The following RYR3 variants were observed in gnomAD, a reference collection of about 807,000 sequenced individuals.
The protein encoded by RYR3 is brain ryanodine receptor-calcium release channel.
RYR3 carries 207 observed loss-of-function variants against 584.3 expected under a neutral mutation model. That is an observed-to-expected ratio of 0.35 (90% confidence interval 0.32 to 0.40). The LOEUF (loss-of-function observed/expected upper bound fraction) is 0.40. Among genes scored for constraint, RYR3 ranks in the 10% least tolerant of loss-of-function variants. The pLI is 1.00. For synonymous variants in RYR3, 2,416 were observed against 2,248.5 expected (o/e 1.07, Z -2.11); for missense variants, 5,616 against 6,089.2 (o/e 0.92, Z 2.59).
At chr15:33,853,479 C>G (rs1323368848) in intron 95 of RYR3, 76 bp from the exon 96 acceptor site, 8 of 1,540,140 alleles carry the variant, frequency 5.2e-6, no homozygotes, top group Non-Finnish European at 7.0e-6. Context: ...GGCAGCAAAG[C>G]TCTGAAGACC....
intron 1 of RYR3, among the ~76,000 whole-genome samples, chr15:33,318,972 A>T (rs1028993253): frequency 6.6e-6 from 1 of 152,214 alleles, no homozygotes; most frequent in African/African-American, 2.4e-5. Flanking sequence ...AGCAATTCCT[A>T]TAGCAAAAAA....
chr15:33,401,081 G>A (rs2042632094), intron 1 of RYR3, among the ~76,000 whole-genome samples: 1 of 152,102 alleles, frequency 6.6e-6, no homozygotes, highest in South Asian at 2.1e-4. Flanking sequence ...AAATATGAGC[G>A]AATGCCCTTC....
At chr15:33,411,394 C>T (rs899644079) in intron 1 of RYR3, among the ~76,000 whole-genome samples, 1 of 152,170 alleles carries the variant, frequency 6.6e-6, no homozygotes, top group African/African-American at 2.4e-5. Flanking sequence ...ACATCTGTCA[C>T]TGCAAATATT....
intron 2 of RYR3, among the ~76,000 whole-genome samples, chr15:33,480,721 C>T (rs1188426121): frequency 6.6e-6 from 1 of 152,112 alleles, no homozygotes; most frequent in Non-Finnish European, 1.5e-5. Flanking sequence ...TTCTGTGTAT[C>T]ACTCCAATCT....
chr15:33,706,122 C>T (rs1268298766), intron 42 of RYR3, among the ~76,000 whole-genome samples: 1 of 151,980 alleles, frequency 6.6e-6, no homozygotes, highest in Non-Finnish European at 1.5e-5. Context: ...ATTTCACAGG[C>T]CTCACAGCTA....
chr15:33,366,279 G>A (rs556138754), intron 1 of RYR3, among the ~76,000 whole-genome samples: 19 of 151,976 alleles, frequency 1.3e-4, no homozygotes, highest in Non-Finnish European at 1.5e-4. Flanking sequence ...CTGGTCCTGC[G>A]TCATTTATTC....
At chr15:33,789,578 C>T (rs1324402707) in intron 67 of RYR3, among the ~76,000 whole-genome samples, 3 of 119,096 alleles carry the variant, frequency 2.5e-5, no homozygotes, top group South Asian at 5.9e-4. Context: ...TACTAAACAT[C>T]GCTGATTGCA....
At chr15:33,393,880 A>G (rs1320113553) in intron 1 of RYR3, among the ~76,000 whole-genome samples, 1 of 152,198 alleles carries the variant, frequency 6.6e-6, no homozygotes, top group Non-Finnish European at 1.5e-5. Context: ...TGCCAGATAC[A>G]ATGCGAGGCA....
chr15:33,731,668 A>C lies in RYR3; in HGVS notation c.7398A>C (p.Ile2466=). The change falls in exon 48 of 104, where the codon ATA becomes ATC. Residue 2466 remains isoleucine, a synonymous_variant. Coordinates refer to ENST00000634891, the MANE Select transcript of RYR3 (RefSeq NM_001036.6). The part of the protein sequence containing the change: ...RSLTKAQRDT[I]EECLLAICNH... ...TCACCAAAGCACAAAGGGACACTATAGAAGAATGTTTGCTTGCCATTTGCA... is the reference window on the plus strand; with the variant it reads ...TCACCAAAGCACAAAGGGACACTATCGAAGAATGTTTGCTTGCCATTTGCA... 6.2e-7 allele frequency: 1 copy of C among 1,612,722 alleles called. No homozygotes were observed. Among genetic ancestry groups the C allele is most frequent in the Non-Finnish European group, 8.5e-7 (1 of 1,178,830 alleles).
intron 24 of RYR3, among the ~76,000 whole-genome samples, chr15:33,633,763 A>G (rs1010227264): frequency 2.0e-5 from 3 of 152,122 alleles, no homozygotes; most frequent in South Asian, 2.1e-4. Context: ...AATTGTCCCT[A>G]TTGTCTTCTT....
At chr15:33,520,951 G>A (rs1012832535) in intron 3 of RYR3, among the ~76,000 whole-genome samples, 7 of 152,172 alleles carry the variant, frequency 4.6e-5, no homozygotes, top group Non-Finnish European at 8.8e-5. Flanking sequence ...TATGGATTGG[G>A]ACAAAAGGGG....
At chr15:33,745,174 A>G (rs12232247) in intron 52 of RYR3, among the ~76,000 whole-genome samples, 34,158 of 152,060 alleles carry the variant, frequency 0.22, 4,876 homozygotes, top group African/African-American at 0.41. Flanking sequence ...GAAAGTGAGC[A>G]TAAGCTGGGG....
chr15:33,644,649 C>A (rs895036004), intron 28 of RYR3, 130 bp downstream of exon 28: 1 of 664,496 alleles, frequency 1.5e-6, no homozygotes, highest in Admixed American at 2.6e-5. Context: ...GCCACCTCCC[C>A]TCTGGCCCTC....
At chr15:33,785,239 G>A (rs1240086869) in intron 65 of RYR3, among the ~76,000 whole-genome samples, 1 of 152,154 alleles carries the variant, frequency 6.6e-6, no homozygotes, top group Non-Finnish European at 1.5e-5. Context: ...TCCAGGCAAT[G>A]GCACCACAGC....
chr15:33,536,639 T>C (rs1262982195), intron 5 of RYR3, among the ~76,000 whole-genome samples: 1 of 43,572 alleles, frequency 2.3e-5, no homozygotes, highest in Non-Finnish European at 4.4e-5. Flanking sequence ...TTCGGTGGTC[T>C]CAGAGAACAT....
intron 81 of RYR3, among the ~76,000 whole-genome samples, chr15:33,825,263 TTCC>T: frequency 1.2e-5 from 1 of 80,550 alleles, no homozygotes; most frequent in East Asian, 3.5e-4. Flanking sequence ...AAACAGATTA[TTCC>T]TTCTTTATTT....
intron 81 of RYR3, among the ~76,000 whole-genome samples, chr15:33,824,608 T>C (rs1208628503): frequency 6.6e-6 from 1 of 152,212 alleles, no homozygotes; most frequent in African/African-American, 2.4e-5. Flanking sequence ...GAGATTTCAC[T>C]GTCTACCTAA....
At chr15:33,762,884 T>A (rs1353283163) in intron 60 of RYR3, among the ~76,000 whole-genome samples, 3 of 152,170 alleles carry the variant, frequency 2.0e-5, no homozygotes, top group Non-Finnish European at 4.4e-5. Context: ...AAGGCTACAG[T>A]AACCAAAACA....
At chr15:33,819,102 G>A (rs1174033672) in intron 76 of RYR3, among the ~76,000 whole-genome samples, 2 of 152,092 alleles carry the variant, frequency 1.3e-5, no homozygotes, top group African/African-American at 2.4e-5. Context: ...CAGCCTGGGC[G>A]ACAAGAGCAA....
Sources: allele counts gnomAD v4.1 joint callset (sites outside exome capture counted in the v4.1 genomes callset), GRCh38; gene constraint gnomAD v4.1.1; transcripts MANE v1.5; gene names NCBI Gene and HGNC (gene_info 2026-07-23, HGNC 2026-07-21).